EYS: variants seen among roughly 807,000 people sequenced by gnomAD.
EYS encodes EGF-like photoreceptor maintenance factor.
In EYS, 250 loss-of-function variants were observed where a neutral mutation model predicts 282.1. That is an observed-to-expected ratio of 0.89 (90% CI 0.80 to 0.98). EYS has a LOEUF of 0.98. Among genes scored for constraint, EYS ranks in the 50% least tolerant of loss-of-function variants. The pLI is 0.00. For missense variants in EYS, 4,016 were observed against 3,709.0 expected (o/e 1.08, Z -2.15); for synonymous variants, 1,355 against 1,282.9 (o/e 1.06, Z -1.20).
At chr6:64,259,219 A>G (rs938862231) in intron 30 of EYS, among the ~76,000 whole-genome samples, 1 of 152,064 alleles carries the variant, frequency 6.6e-6, no homozygotes, top group Admixed American at 6.6e-5. Context: ...TTGGTCAACC[A>G]GTTACCCCAC....
intron 29 of EYS, among the ~76,000 whole-genome samples, chr6:64,330,071 C>A (rs142742515): frequency 6.6e-6 from 1 of 152,056 alleles, no homozygotes; most frequent in Non-Finnish European, 1.5e-5. Context: ...ACCAAGTGAC[C>A]GCCGTGTCCT....
intron 12 of EYS, among the ~76,000 whole-genome samples, chr6:65,203,590 A>C (rs1186250868): frequency 6.6e-6 from 1 of 152,194 alleles, no homozygotes; most frequent in Non-Finnish European, 1.5e-5. Context: ...ATGTAAATGA[A>C]AGTTAATTTA....
intron 22 of EYS, among the ~76,000 whole-genome samples, chr6:64,674,201 G>A (rs79332237): frequency 0.056 from 8,548 of 152,160 alleles, 322 homozygotes; most frequent in Middle Eastern, 0.095. Context: ...TTTATTGGCA[G>A]AGGAGAGAAG....
At chr6:64,215,646 C>CA (rs1387781977) in intron 31 of EYS, among the ~76,000 whole-genome samples, 1 of 151,726 alleles carries the variant, frequency 6.6e-6, no homozygotes, top group African/African-American at 2.4e-5. Flanking sequence ...TACCTATTTA[C>CA]AAAAAAATCC....
intron 33 of EYS, among the ~76,000 whole-genome samples, chr6:64,050,664 G>T (rs1329268581): frequency 2.0e-5 from 3 of 152,084 alleles, no homozygotes; most frequent in Non-Finnish European, 4.4e-5. Context: ...CTCCATCTCT[G>T]CAAACTTCCA....
intron 5 of EYS, among the ~76,000 whole-genome samples, chr6:65,430,101 G>A (rs541143843): frequency 2.8e-4 from 43 of 152,282 alleles, no homozygotes; most frequent in African/African-American, 1.0e-3. Context: ...TTGAGAGGTA[G>A]AGCAAGATGG....
chr6:64,350,181 C>T (rs1771572736), intron 29 of EYS, among the ~76,000 whole-genome samples: 1 of 151,314 alleles, frequency 6.6e-6, no homozygotes, highest in South Asian at 2.1e-4. Flanking sequence ...TAATATTCTT[C>T]AGATCATCGT....
chr6:64,497,614 G>A lies in EYS; in HGVS notation c.5645-58262C>T, dbSNP rs368295540. 3.3e-5 allele frequency among the ~76,000 whole-genome samples: 5 copies of A among 152,010 alleles called. No individual in the cohort carries two copies. In the East Asian group the frequency reaches 5.8e-4, roughly 18 times the overall value. ...TATACTGAAAAGTGTAGGTAGAGGG[G>A]TGATATACTAAACTGATGTGTATGT... On this transcript the variant is annotated intron_variant, in intron 26 of 42. Transcript: ENST00000503581.
chr6:64,298,001 T>TAAAAAAAAAAAAA (rs1769097836), intron 30 of EYS, among the ~76,000 whole-genome samples: 1 of 134,038 alleles, frequency 7.5e-6, no homozygotes, highest in African/African-American at 3.0e-5. Flanking sequence ...AAAAAAAAAT[T>TAAAAAAAAAAAAA]AGGTAGAAAT....
At chr6:64,222,707 C>T (rs1253997037) in intron 31 of EYS, among the ~76,000 whole-genome samples, 2 of 151,886 alleles carry the variant, frequency 1.3e-5, no homozygotes, top group African/African-American at 4.8e-5. Context: ...ATGTGTTCTC[C>T]TATGGAAAAG....
intron 30 of EYS, among the ~76,000 whole-genome samples, chr6:64,295,558 G>GAAGAAGAAAGAAGAAGAAAGAAGAAGAA (rs1768940571): frequency 2.3e-5 from 1 of 43,506 alleles, no homozygotes; most frequent in Admixed American, 2.1e-4. Context: ...GAAGAAGAAA[G>GAAGAAGAAAGAAGAAGAAAGAAGAAGAA]AAGAAGAAAA....
chr6:65,000,416 G>T (rs906788846), intron 13 of EYS, among the ~76,000 whole-genome samples: 1 of 152,182 alleles, frequency 6.6e-6, no homozygotes, highest in Non-Finnish European at 1.5e-5. Context: ...TATACTGGTT[G>T]TACTGAATGA....
At chr6:64,721,397 TAA>T (rs1370027749) in intron 22 of EYS, among the ~76,000 whole-genome samples, 1 of 151,900 alleles carries the variant, frequency 6.6e-6, no homozygotes, top group East Asian at 1.9e-4. Flanking sequence ...AGGTGAGAGA[TAA>T]AGACTCAAGA....
intron 29 of EYS, among the ~76,000 whole-genome samples, chr6:64,318,632 T>G (rs1770073642): frequency 6.6e-6 from 1 of 152,032 alleles, no homozygotes. Context: ...AATTATTGGT[T>G]AACCTGGTAT....
At chr6:65,569,360 C>T (rs1483940893) in intron 2 of EYS, among the ~76,000 whole-genome samples, 2 of 152,146 alleles carry the variant, frequency 1.3e-5, no homozygotes, top group East Asian at 3.9e-4. Context: ...AAATAAACTG[C>T]CCTGCTGCTC....
At chr6:65,495,670 T>C (rs1766231039) in intron 3 of EYS, 63 bp from the exon 4 acceptor site, 1 of 533,520 alleles carries the variant, frequency 1.9e-6, no homozygotes. Flanking sequence ...ATATAGAAAA[T>C]GCTAGCTCTT....
At chr6:64,858,834 C>T (rs558615118) in intron 19 of EYS, among the ~76,000 whole-genome samples, 17 of 152,170 alleles carry the variant, frequency 1.1e-4, no homozygotes, top group African/African-American at 3.6e-4. Context: ...AGGGAATGTA[C>T]CTCAACACAG....
intron 11 of EYS, among the ~76,000 whole-genome samples, chr6:65,328,377 T>A (rs954040734): frequency 1.3e-5 from 2 of 151,420 alleles, no homozygotes; most frequent in African/African-American, 4.8e-5. Flanking sequence ...GTCATAATAA[T>A]TAATAAATTC....
intron 7 of EYS, among the ~76,000 whole-genome samples, chr6:65,398,425 A>T (rs1430467109): frequency 6.6e-6 from 1 of 152,070 alleles, no homozygotes; most frequent in Non-Finnish European, 1.5e-5. Context: ...AATTATATGC[A>T]GAAGAATAAA....
Sources: gnomAD v4.1 joint callset for allele counts (sites outside exome capture counted in the v4.1 genomes callset) on GRCh38, gnomAD v4.1.1 for gene constraint, MANE v1.5 for transcripts, NCBI Gene and HGNC (gene_info 2026-07-23, HGNC 2026-07-21) for gene names.